HLA-DMB: variants seen among roughly 807,000 people sequenced by gnomAD.
HLA-DMB encodes major histocompatibility complex, class II, DM beta.
Under a neutral mutation model 29.3 loss-of-function variants are expected in HLA-DMB, and 18 were observed. The ratio of observed to expected loss-of-function variants is 0.62; its 90% CI spans 0.43 to 0.91. HLA-DMB has a LOEUF of 0.91. Ranked by LOEUF, HLA-DMB falls within the 40% of genes least tolerant of loss-of-function variation. The probability of loss-of-function intolerance (pLI) is 0.00; values close to 1 mark genes in which losing one functional copy is unlikely to be tolerated. For missense variants in HLA-DMB, 258 were observed against 320.9 expected (o/e 0.80, Z 1.50); for synonymous variants, 143 against 128.7 (o/e 1.11, Z -0.75).
chr6:32,938,050 A>G (rs114188289), intron 2 of HLA-DMB: 2,050 of 153,156 alleles, frequency 0.013, 25 homozygotes, highest in Middle Eastern at 0.054. Context: ...ACATTTTTCA[A>G]ACACAATCTT....
chr6:32,939,501 G>C (rs260547), intron 1 of HLA-DMB, among the ~76,000 whole-genome samples: 7,523 of 152,222 alleles, frequency 0.049, 393 homozygotes, highest in African/African-American at 0.13. Context: ...ATGTTCCTTT[G>C]TATGCTTTAA....
rs778468193 is a variant in HLA-DMB at position 32,935,392 on chromosome 6, T to C, written c.740-15A>G. ...AGGAGTGTAACCTAAGAGAGGAAGATACTTGATTATACCAGTCTTTGTGGA... is the reference window on the plus strand; with the variant it reads ...AGGAGTGTAACCTAAGAGAGGAAGACACTTGATTATACCAGTCTTTGTGGA... On this transcript the variant is annotated splice_polypyrimidine_tract_variant and intron_variant, in intron 4 of 5. Coordinates refer to ENST00000418107, the MANE Select transcript of HLA-DMB (RefSeq NM_002118.5). 25 of 1,599,224 alleles carry C rather than the reference T, an allele frequency of 1.6e-5. No individual in the cohort carries two copies. The highest frequency in any genetic ancestry group is 1.8e-5 in the Non-Finnish European group (21 of 1,167,550).
chr6:32,938,985 G>A lies in HLA-DMB; in HGVS notation c.56-20C>T. ...AGCCACCTAGAGGAGCCAGGGAAGG[G>A]AGAACAGGTCAATGTCTTCTACTGG... On this transcript the variant is annotated intron_variant, in intron 1 of 5. Transcript: ENST00000418107. The A allele has an allele frequency of 6.9e-7, 1 of 1,456,390 alleles. No individual in the cohort carries two copies. Among genetic ancestry groups the A allele is most frequent in the Non-Finnish European group, 9.1e-7 (1 of 1,097,850 alleles). The allele number at this position is 1,456,390 out of a possible 1,614,324, so 90.2% of individuals were successfully genotyped here. A position where few individuals can be genotyped will look rare whatever the true frequency, so the allele number is the denominator to read the frequency against.
chr6:32,939,051 A>G, intron 1 of HLA-DMB, 86 bp from the exon 2 acceptor site: 1 of 828,252 alleles, frequency 1.2e-6, no homozygotes, highest in Admixed American at 4.3e-5. Context: ...ATAAATATAC[A>G]CAAATAATAA....
In HLA-DMB at chr6:32,938,619, A is replaced by T. The variant is rs546277114; in HGVS notation, c.337+65T>A. ...TCTCAAACCCCTGGGCCACTGTGGG[A>T]TCCTCCCTGGCCTGCCCTCCTAACT... On this transcript the variant is annotated intron_variant, in intron 2 of 5. Coordinates refer to ENST00000418107, the MANE Select transcript of HLA-DMB (RefSeq NM_002118.5). 47 of 1,381,226 alleles carry T rather than the reference A, an allele frequency of 3.4e-5. No individual in the cohort carries two copies. In the South Asian group the frequency reaches 8.0e-4, roughly 23 times the overall value. 85.6% of individuals were successfully genotyped at this position (1,381,226 alleles called of 1,614,324 possible).
Position 32,937,108 on chromosome 6 carries a change from G to A in HLA-DMB, c.622+64C>T, listed in dbSNP as rs1479000988. 4 of 1,411,794 alleles carry A rather than the reference G, an allele frequency of 2.8e-6. No individual in the cohort carries two copies. The African/African-American group carries it at 5.7e-5, about 20-fold the overall frequency. 87.5% of individuals were successfully genotyped at this position (1,411,794 alleles called of 1,614,324 possible). ...CACTTCGCTGTCTACCATGTACCATGTATCGATCCACATCTCATTTTCTCT... is the reference window on the plus strand; with the variant it reads ...CACTTCGCTGTCTACCATGTACCATATATCGATCCACATCTCATTTTCTCT... On this transcript the variant is annotated intron_variant, in intron 3 of 5. Coordinates refer to ENST00000418107, the MANE Select transcript of HLA-DMB (RefSeq NM_002118.5). This position sits in a 1 kb window ranked among gnomAD's most constrained non-coding sequence, Gnocchi z 4.1.
intron 3 of HLA-DMB, 102 bp from the exon 4 acceptor site, chr6:32,935,754 C>T (rs1775964462): frequency 3.9e-6 from 3 of 760,306 alleles, no homozygotes; most frequent in Non-Finnish European, 6.8e-6. Flanking sequence ...GGTCCTTTAT[C>T]CCAGCTCCAA....
chr6:32,940,661 A>G, intron 1 of HLA-DMB, 92 bp downstream of exon 1: 1 of 881,202 alleles, frequency 1.1e-6, no homozygotes, highest in South Asian at 1.5e-5. Context: ...GAGACAAACT[A>G]TCTGGGGTGT....
At chr6:32,940,327 C>T (rs914099645) in intron 1 of HLA-DMB, among the ~76,000 whole-genome samples, 18 of 152,024 alleles carry the variant, frequency 1.2e-4, no homozygotes, top group Admixed American at 9.2e-4. Context: ...AGTAGCCCCC[C>T]GAGATTATTT....
At chr6:32,935,714 T>A in intron 3 of HLA-DMB, 62 bp from the exon 4 acceptor site, 1 of 1,192,964 alleles carries the variant, frequency 8.4e-7, no homozygotes, top group Non-Finnish European at 1.2e-6. Flanking sequence ...GCAATTCCAT[T>A]TATTGCAGCC....
chr6:32,936,309 A>G (rs1490615645), intron 3 of HLA-DMB: 1 of 152,446 alleles, frequency 6.6e-6, no homozygotes, highest in Non-Finnish European at 1.5e-5. Context: ...TTCCCCAGGA[A>G]AGTTCAAGTG....
chr6:32,936,040 G>A (rs1775977089), intron 3 of HLA-DMB: 1 of 222,944 alleles, frequency 4.5e-6, no homozygotes, highest in Non-Finnish European at 8.9e-6. Flanking sequence ...CTCCAACTGA[G>A]CAGCTTCCTA....
At position 32,935,638 on chromosome 6, in the gene HLA-DMB, G is replaced by A. The variant is rs1239799944; in HGVS notation, c.637C>T (p.Pro213Ser). ...ILRDWTPGLS[P>S]MQTLKVSVSA... ...ACAGAAACCTTCAGGGTCTGCATGGGGGACAGCCCAGGTGCTGCAAAAAAT... is the reference window on the plus strand; with the variant it reads ...ACAGAAACCTTCAGGGTCTGCATGGAGGACAGCCCAGGTGCTGCAAAAAAT... The change falls in exon 4 of 6, where the codon CCC becomes TCC. Residue 213 changes from proline (P) to serine (S), a missense_variant. By Grantham distance (74) the Pro-to-Ser change is moderately conservative. Coordinates refer to ENST00000418107, the MANE Select transcript of HLA-DMB (RefSeq NM_002118.5). 1.8e-5 allele frequency: 29 copies of A among 1,612,346 alleles called. No individual in the cohort carries two copies. Among genetic ancestry groups the A allele is most frequent in the African/African-American group, 2.7e-5 (2 of 74,848 alleles).
At chr6:32,935,244 C>T in intron 5 of HLA-DMB, 98 bp downstream of exon 5, 1 of 1,018,076 alleles carries the variant, frequency 9.8e-7, no homozygotes, top group Non-Finnish European at 1.6e-6. Context: ...GGAAGCTCAC[C>T]CATATAATAA....
intron 1 of HLA-DMB, among the ~76,000 whole-genome samples, chr6:32,940,416 G>C (rs1776285017): frequency 6.6e-6 from 1 of 152,062 alleles, no homozygotes; most frequent in Non-Finnish European, 1.5e-5. Context: ...AGGGTCAAGA[G>C]AAAGAGTCAG....
chr6:32,940,864 C>G lies in HLA-DMB; in HGVS notation c.-57G>C. On this transcript the variant is annotated 5_prime_UTR_variant, in exon 1 of 6. Transcript: ENST00000418107. ...TCCCCTGGACCAGCTCTTCCAGGGT[C>G]CGTGGGTCCTCGCCTGTCCCAGAAG... The G allele has an allele frequency of 7.1e-7, 1 of 1,414,992 alleles. No individual in the cohort carries two copies. Among genetic ancestry groups the G allele is most frequent in the Non-Finnish European group, 9.8e-7 (1 of 1,024,070 alleles). The allele number at this position is 1,414,992 out of a possible 1,614,324, so 87.7% of individuals were successfully genotyped here. A position where few individuals can be genotyped will look rare whatever the true frequency, so the allele number is the denominator to read the frequency against.
In HLA-DMB at chr6:32,934,743, C is replaced by A; in HGVS notation, c.*228G>T. On this transcript the variant is annotated 3_prime_UTR_variant, in exon 6 of 6. Coordinates refer to ENST00000418107, the MANE Select transcript of HLA-DMB (RefSeq NM_002118.5). The stretch of plus-strand genomic sequence containing the variant: ...CTCCCTTCCTCAGATTATATTCATC[C>A]CAGAAATATAGCCTTGGACAATAAT... The A allele has an allele frequency of 1.7e-6, 1 of 588,554 alleles. No homozygotes were observed. The highest frequency in any genetic ancestry group is 3.0e-6 in the Non-Finnish European group (1 of 332,272). 36.5% of individuals were successfully genotyped at this position (588,554 alleles called of 1,614,324 possible). A position where few individuals can be genotyped will look rare whatever the true frequency, so the allele number is the denominator to read the frequency against.
Position 32,934,860 on chromosome 6 carries a change from A to G in HLA-DMB, c.*111T>C. On this transcript the variant is annotated 3_prime_UTR_variant, in exon 6 of 6. Transcript: ENST00000418107. ...GAAATTCAAAGAATTGGATGGAGAAACCATAGGATCCAAGATAATGTCAGG... is the reference window on the plus strand; with the variant it reads ...GAAATTCAAAGAATTGGATGGAGAAGCCATAGGATCCAAGATAATGTCAGG... The G allele has an allele frequency of 8.8e-7, 1 of 1,132,434 alleles. No homozygotes were observed. The highest frequency in any genetic ancestry group is 1.3e-6 in the Non-Finnish European group (1 of 758,714). The allele number at this position is 1,132,434 out of a possible 1,614,324, so 70.1% of individuals were successfully genotyped here.
In HLA-DMB at chr6:32,937,233, C is replaced by T. The variant is rs1236693886; in HGVS notation, c.561G>A (p.Gly187=). ...LSHLALTPSY[G]DTYTCVVEHT... Reference sequence around the variant, plus strand: ...GCTCTACCACACAGGTGTAAGTGTCCCCGTAAGAGGGGGTTAAGGCTAAAT... The same window carrying T: ...GCTCTACCACACAGGTGTAAGTGTCTCCGTAAGAGGGGGTTAAGGCTAAAT... The change falls in exon 3 of 6, where the codon GGG becomes GGA. Residue 187 remains glycine, a synonymous_variant. Transcript: ENST00000418107. This position sits in a 1 kb window ranked among gnomAD's most constrained non-coding sequence, Gnocchi z 4.1. 2 of 1,613,684 alleles carry T rather than the reference C, an allele frequency of 1.2e-6. No homozygotes were observed.
Sources: allele counts gnomAD v4.1 joint callset (sites outside exome capture counted in the v4.1 genomes callset), GRCh38; gene constraint gnomAD v4.1.1; non-coding constraint Gnocchi (gnomAD v3.1); transcripts MANE v1.5; gene names NCBI Gene and HGNC (gene_info 2026-07-23, HGNC 2026-07-21).